The following NPTN variants were observed in gnomAD, a reference collection of about 807,000 sequenced individuals.
NPTN encodes SDR-1.
Under a neutral mutation model 42.7 loss-of-function variants are expected in NPTN, and 5 were observed. The ratio of observed to expected loss-of-function variants is 0.12; its 90% CI spans 0.06 to 0.25. The LOEUF is 0.25. Ranked by LOEUF, NPTN falls within the 10% of genes least tolerant of loss-of-function variation. The pLI, the probability that NPTN is intolerant of heterozygous loss-of-function variation, is 1.00. For synonymous variants in NPTN, 180 were observed against 201.9 expected (o/e 0.89, Z 0.92); for missense variants, 307 against 525.4 (o/e 0.58, Z 4.06).
chr15:73,615,166 T>G (rs1005468144), intron 1 of NPTN, among the ~76,000 whole-genome samples: 2 of 151,966 alleles, frequency 1.3e-5, no homozygotes, highest in African/African-American at 4.8e-5. Flanking sequence ...CTTTTTTTTT[T>G]TTTTTTTAAA....
intron 6 of NPTN, among the ~76,000 whole-genome samples, chr15:73,566,438 C>T (rs1895009745): frequency 6.6e-6 from 1 of 152,162 alleles, no homozygotes. Context: ...AAAAATTATC[C>T]CAAGGTAAAA....
chr15:73,580,587 G>T, intron 4 of NPTN, among the ~76,000 whole-genome samples: 2 of 117,496 alleles, frequency 1.7e-5, no homozygotes, highest in East Asian at 2.2e-4. Context: ...GTATATACAT[G>T]TTATATATGT....
chr15:73,578,783 C>A (rs761670521), intron 4 of NPTN, among the ~76,000 whole-genome samples: 13 of 151,996 alleles, frequency 8.6e-5, no homozygotes, highest in Non-Finnish European at 1.8e-4. Context: ...CACCTAAGGT[C>A]AGGAGTTTGA....
rs891710240 is a variant in NPTN, at chr15:73,615,156, C to T, written c.92-17787G>A. On this transcript the variant is annotated intron_variant, in intron 1 of 8. Coordinates refer to ENST00000345330, the MANE Select transcript of NPTN (RefSeq NM_012428.4). The stretch of plus-strand genomic sequence containing the variant: ...CATCAAAAACAAACAGCTTAACAAT[C>T]TTTTTTTTTTTTTTTTTAAAGATAA... Among the ~76,000 whole-genome samples, 9 of 135,748 alleles carry T rather than the reference C, an allele frequency of 6.6e-5. No homozygotes were observed. The East Asian group carries it at 1.7e-3, about 25-fold the overall frequency. 89.1% of individuals were successfully genotyped at this position (135,748 alleles called of 152,430 possible).
intron 4 of NPTN, among the ~76,000 whole-genome samples, chr15:73,582,348 T>C (rs950392704): frequency 6.6e-6 from 1 of 152,146 alleles, no homozygotes; most frequent in Admixed American, 6.5e-5. Flanking sequence ...CTGACGGCAG[T>C]GGGAGAGTGA....
At chr15:73,590,934 G>A (rs900508196) in intron 3 of NPTN, among the ~76,000 whole-genome samples, 1 of 151,958 alleles carries the variant, frequency 6.6e-6, no homozygotes, top group Non-Finnish European at 1.5e-5. Context: ...AAACTACAGT[G>A]GAGATAGGTT....
intron 6 of NPTN, chr15:73,568,480 GC>G: frequency 2.0e-6 from 2 of 985,428 alleles, no homozygotes; most frequent in Non-Finnish European, 2.4e-6. Flanking sequence ...ATCCCACAGA[GC>G]CAAAGCTGAA....
chr15:73,631,401 T>C (rs1237757183), intron 1 of NPTN, among the ~76,000 whole-genome samples: 1 of 152,220 alleles, frequency 6.6e-6, no homozygotes, highest in Non-Finnish European at 1.5e-5. Context: ...TATTCAATGC[T>C]AGAGACAGAA....
chr15:73,587,044 C>G (rs1896351698), intron 4 of NPTN, among the ~76,000 whole-genome samples: 1 of 152,224 alleles, frequency 6.6e-6, no homozygotes, highest in Non-Finnish European at 1.5e-5. Flanking sequence ...TATCCACAAA[C>G]AGCTGATGTC....
chr15:73,572,933 G>T (rs896433977), intron 5 of NPTN, among the ~76,000 whole-genome samples: 1 of 152,088 alleles, frequency 6.6e-6, no homozygotes, highest in Non-Finnish European at 1.5e-5. Context: ...TCTCCTGACA[G>T]TGAATTCTCA....
chr15:73,572,744 C>T (rs182227497), intron 5 of NPTN, among the ~76,000 whole-genome samples: 1 of 152,284 alleles, frequency 6.6e-6, no homozygotes, highest in African/African-American at 2.4e-5. Flanking sequence ...ACAGTATTTT[C>T]TTCAGGATAA....
At chr15:73,602,793 A>G (rs1897133077) in intron 1 of NPTN, among the ~76,000 whole-genome samples, 1 of 152,206 alleles carries the variant, frequency 6.6e-6, no homozygotes, top group East Asian at 1.9e-4. Flanking sequence ...AGATGGCAGC[A>G]ATTACAAAAC....
intron 1 of NPTN, among the ~76,000 whole-genome samples, chr15:73,606,277 A>G (rs541788152): frequency 6.6e-6 from 1 of 152,334 alleles, no homozygotes; most frequent in East Asian, 1.9e-4. Flanking sequence ...CAAAATGACC[A>G]TGACTTTTTT....
chr15:73,570,389 A>T lies in NPTN; in HGVS notation c.875T>A (p.Ile292Asn). The T allele has an allele frequency of 1.2e-6, 2 of 1,613,614 alleles. No homozygotes were observed. The highest frequency in any genetic ancestry group is 1.7e-6 in the Non-Finnish European group (2 of 1,179,960). The stretch of plus-strand genomic sequence containing the variant: ...CAACTCAGTGTAATTTTCCTTGTTG[A>T]TGATGAAGAAGCGGCCAGAGGTATT... ...IVNTSGRFFI[I>N]NKENYTELNI... Residue 292 changes from isoleucine to asparagine, a missense_variant, in exon 6 of 9, where the codon ATC becomes AAC. Physicochemically the swap from Ile to Asn is moderately radical, Grantham distance 149 (BLOSUM62 -3). Transcript: ENST00000345330. This position sits in a 1 kb window ranked among gnomAD's most constrained non-coding sequence, Gnocchi z 4.0.
At chr15:73,617,584 G>C (rs1050791253) in intron 1 of NPTN, among the ~76,000 whole-genome samples, 3 of 152,100 alleles carry the variant, frequency 2.0e-5, no homozygotes, top group African/African-American at 7.2e-5. Flanking sequence ...ACCTACTACT[G>C]GGCCTGTCAA....
chr15:73,608,489 T>A (rs933129575), intron 1 of NPTN, among the ~76,000 whole-genome samples: 6 of 152,170 alleles, frequency 3.9e-5, no homozygotes, highest in Non-Finnish European at 8.8e-5. Flanking sequence ...GAGTTCTAGA[T>A]AAAGGTGAAA....
In NPTN at chr15:73,597,133, C is replaced by A; in HGVS notation, c.328G>T (p.Asp110Tyr). The A allele has an allele frequency of 6.2e-7, 1 of 1,614,144 alleles. No individual in the cohort carries two copies. Among genetic ancestry groups the A allele is most frequent in the Non-Finnish European group, 8.5e-7 (1 of 1,180,032 alleles). ...VLRITRLTLEDSGTYECRASN... is the reference protein window; with the variant it reads ...VLRITRLTLEYSGTYECRASN... ...GCCCTGCACTCGTAAGTCCCAGAGTCCTCCAAGGTGAGCCGGGTTATTCTC... is the reference window on the plus strand; with the variant it reads ...GCCCTGCACTCGTAAGTCCCAGAGTACTCCAAGGTGAGCCGGGTTATTCTC... Residue 110 changes from aspartate (D) to tyrosine (Y), a missense_variant, in exon 2 of 9, where the codon GAC (aspartate) becomes TAC (tyrosine). By Grantham distance (160) the Asp-to-Tyr change is radical. Around this residue, in one of 2 missense-constraint regions of NPTN, gnomAD observed 264 missense variants for 491.1 expected, o/e 0.54. Coordinates refer to ENST00000345330, the MANE Select transcript of NPTN (RefSeq NM_012428.4). This position sits in a 1 kb window ranked among gnomAD's most constrained non-coding sequence, Gnocchi z 6.3.
intron 6 of NPTN, among the ~76,000 whole-genome samples, chr15:73,566,382 T>C (rs968887448): frequency 6.6e-6 from 1 of 152,204 alleles, no homozygotes; most frequent in Non-Finnish European, 1.5e-5. Flanking sequence ...ACCTCAAATA[T>C]CTTCTCCATC....
intron 3 of NPTN, chr15:73,591,763 T>C: frequency 4.3e-6 from 2 of 464,026 alleles, no homozygotes; most frequent in Non-Finnish European, 7.7e-6. Context: ...CATCTATGAT[T>C]CTCCAATCTG....
Sources: allele counts gnomAD v4.1 joint callset (sites outside exome capture counted in the v4.1 genomes callset), GRCh38; gene constraint gnomAD v4.1.1; regional missense constraint gnomAD v4.1.1; non-coding constraint Gnocchi (gnomAD v3.1); transcripts MANE v1.5; gene names NCBI Gene and HGNC (gene_info 2026-07-23, HGNC 2026-07-21).